The following COL5A3 variants were observed in gnomAD, a reference collection of about 807,000 sequenced individuals.
The protein encoded by COL5A3 is collagen type V alpha 3 chain.
Under a neutral mutation model 250.0 loss-of-function variants are expected in COL5A3, and 172 were observed. That is an observed-to-expected ratio of 0.69 (90% CI 0.61 to 0.78). The LOEUF (loss-of-function observed/expected upper bound fraction) is 0.78. Among genes scored for constraint, COL5A3 ranks in the 30% least tolerant of loss-of-function variants. The pLI is 0.00. For missense variants in COL5A3, 2,340 were observed against 2,334.4 expected, an observed-to-expected ratio of 1.00 and a Z score of -0.05; for synonymous variants, 937 against 900.4, an observed-to-expected ratio of 1.04 and a Z score of -0.73.
At position 9,980,897 on chromosome 19, in the gene COL5A3, G is replaced by A; in HGVS notation, c.2506-38C>T. ...AAAAGGCAAAGATCAGATATGAGGGGGTGGGGGAGCCTGGGAGATGAGACC... is the reference window on the plus strand; with the variant it reads ...AAAAGGCAAAGATCAGATATGAGGGAGTGGGGGAGCCTGGGAGATGAGACC... On this transcript the variant is annotated intron_variant, in intron 33 of 66. Coordinates refer to ENST00000264828, the MANE Select transcript of COL5A3 (RefSeq NM_015719.4). 1.9e-6 allele frequency: 3 copies of A among 1,586,482 alleles called. No homozygotes were observed. The East Asian group carries it at 6.8e-5, about 36-fold the overall frequency.
In COL5A3 at chr19:9,969,694, A is replaced by G. The variant is rs950468396; in HGVS notation, c.3991-12T>C. The G allele has an allele frequency of 1.3e-6, 2 of 1,587,618 alleles. No individual in the cohort carries two copies. The highest frequency in any genetic ancestry group is 1.7e-6 in the Non-Finnish European group (2 of 1,171,784). On this transcript the variant is annotated splice_polypyrimidine_tract_variant and intron_variant, in intron 55 of 66. Transcript: ENST00000264828. ...GGACCTGGCTCCCCCTGAAATGGAC[A>G]CAGGCAAGGGAGGGGCCAGAGTCAG... is the stretch of plus-strand genomic sequence containing the variant.
chr19:9,989,274 G>A, intron 26 of COL5A3, 48 bp downstream of exon 26: 2 of 1,612,622 alleles, frequency 1.2e-6, no homozygotes, highest in South Asian at 1.1e-5. Flanking sequence ...TGCAGGCCCT[G>A]CCTCCCGACC....
In COL5A3 at chr19:9,981,115, T is replaced by C; in HGVS notation, c.2478A>G (p.Pro826=). 1 of 1,614,090 alleles carries C rather than the reference T, an allele frequency of 6.2e-7. No individual in the cohort carries two copies. The change falls in exon 33 of 67, where the codon CCA becomes CCG. Residue 826 remains proline (P), a synonymous_variant. Transcript: ENST00000264828. ...GTGGTCCCCGCTCTCCTTCCAGGCC[T>C]GGCTGCCCTGTCTTTCCCTGAAAAT... ...EKGKSGKTGQ[P]GLEGERGPPG... is the part of the protein sequence containing the mutation.
At chr19:9,965,704 T>C (rs1267649627) in intron 64 of COL5A3, among the ~76,000 whole-genome samples, 4 of 130,570 alleles carry the variant, frequency 3.1e-5, no homozygotes, top group African/African-American at 1.1e-4. Context: ...CTGCCCCCGC[T>C]TGGCCTCCCA....
At chr19:9,999,770 C>T (rs1384170242) in intron 8 of COL5A3, among the ~76,000 whole-genome samples, 1 of 151,968 alleles carries the variant, frequency 6.6e-6, no homozygotes, top group East Asian at 1.9e-4. Context: ...CTGGCCCAAG[C>T]CTCTTTTCTT....
chr19:9,968,805 AAAT>A lies in COL5A3; in HGVS notation c.4153-80_4153-78del. 8.0e-7 allele frequency: 1 copy of A among 1,256,596 alleles called. No homozygotes were observed. Among genetic ancestry groups the A allele is most frequent in the Admixed American group, 2.2e-5 (1 of 45,478 alleles). 77.8% of individuals were successfully genotyped at this position (1,256,596 alleles called of 1,614,324 possible). ...CTGTGTGGGTGGTTAGGGGATGGTC[AAAT>A]GGGAAATTATGCAGATTTCAAATGG... On this transcript the variant is annotated intron_variant, in intron 57 of 66. Transcript: ENST00000264828. This position sits in a 1 kb window ranked among gnomAD's most constrained non-coding sequence, Gnocchi z 4.1.
chr19:9,973,781 C>A lies in COL5A3; in HGVS notation c.3587G>T (p.Gly1196Val). The A allele has an allele frequency of 1.9e-6, 3 of 1,614,038 alleles. No homozygotes were observed. The highest frequency in any genetic ancestry group is 2.5e-6 in the Non-Finnish European group (3 of 1,179,956). ...CTTCTCACCCACGGCGCCTGGCTGACCAACTCCTCCAGGCAGCCCTGGAGT... is the reference window on the plus strand; with the variant it reads ...CTTCTCACCCACGGCGCCTGGCTGAACAACTCCTCCAGGCAGCCCTGGAGT... ...EGTPGLPGGV[G>V]QPGAVGEKGE... Residue 1196 changes from glycine to valine, a missense_variant, in exon 49 of 67, where the codon GGT (glycine) becomes GTT (valine). Physicochemically the swap from Gly to Val is moderately radical, Grantham distance 109. Transcript: ENST00000264828.
In COL5A3 at chr19:9,997,964, G is replaced by A; in HGVS notation, c.1200+20C>T. The A allele has an allele frequency of 1.2e-6, 2 of 1,613,878 alleles. No homozygotes were observed. The highest frequency in any genetic ancestry group is 8.5e-7 in the Non-Finnish European group (1 of 1,179,884). On this transcript the variant is annotated intron_variant, in intron 10 of 66. Coordinates refer to ENST00000264828, the MANE Select transcript of COL5A3 (RefSeq NM_015719.4). Reference sequence around the variant, plus strand: ...GCTGGAAGGGAAAGACTGGAAGAAGGAAACACAGCCATGACTTACTTGGGG... The same window carrying A: ...GCTGGAAGGGAAAGACTGGAAGAAGAAAACACAGCCATGACTTACTTGGGG...
In COL5A3 at chr19:9,966,594, C is replaced by T. The variant is rs1177907933; in HGVS notation, c.4611G>A (p.Ala1537=). Reference sequence around the variant, plus strand: ...CGTGGCACACGAGGCCCGGGCGCTCCGCAGTGCCGGGAGGACGCCGCAGCT... The same window carrying T: ...CGTGGCACACGAGGCCCGGGCGCTCTGCAGTGCCGGGAGGACGCCGCAGCT... ...LEQLRRPPGT[A]ERPGLVCHEL... The change falls in exon 63 of 67, where the codon GCG becomes GCA. Residue 1537 remains alanine, a synonymous_variant. Coordinates refer to ENST00000264828, the MANE Select transcript of COL5A3 (RefSeq NM_015719.4). The T allele has an allele frequency of 1.3e-6, 2 of 1,541,008 alleles. No individual in the cohort carries two copies. The highest frequency in any genetic ancestry group is 3.9e-5 in the Admixed American group (2 of 51,044).
chr19:9,986,580 C>G lies in COL5A3; in HGVS notation c.2217G>C (p.Lys739Asn). The G allele has an allele frequency of 6.2e-7, 1 of 1,614,022 alleles. No homozygotes were observed. Among genetic ancestry groups the G allele is most frequent in the Non-Finnish European group, 8.5e-7 (1 of 1,179,998 alleles). The change falls in exon 29 of 67, where the codon AAG becomes AAC. Residue 739 changes from lysine (K) to asparagine (N), a missense_variant. By Grantham distance (94) the Lys-to-Asn change is moderately conservative. Around this residue, in one of 3 missense-constraint regions of COL5A3, gnomAD observed 1,152 missense variants for 1,146.3 expected, o/e 1.00. Coordinates refer to ENST00000264828, the MANE Select transcript of COL5A3 (RefSeq NM_015719.4). ...GATCACCTTTGAGCCCCACATCGCC[C>G]TTGAAGCCTGGGAAGCCGTCCTCTC... ...EKGEDGFPGF[K>N]GDVGLKGDQG...
chr19:9,991,233 C>T (rs562329305), intron 24 of COL5A3, among the ~76,000 whole-genome samples: 7 of 152,070 alleles, frequency 4.6e-5, no homozygotes, highest in Non-Finnish European at 1.0e-4. Flanking sequence ...CAGAGTGAGA[C>T]CCTGTCCACA....
chr19:9,980,591 A>ATC (rs59038787), intron 35 of COL5A3, 57 bp downstream of exon 35: 4,100 of 1,402,652 alleles, frequency 2.9e-3, no homozygotes, highest in South Asian at 5.8e-3. Context: ...TCCACTCAGA[A>ATC]TCTCTCTCTC....
At chr19:9,990,675 G>C (rs2087175742) in intron 24 of COL5A3, among the ~76,000 whole-genome samples, 1 of 151,936 alleles carries the variant, frequency 6.6e-6, no homozygotes, top group African/African-American at 2.4e-5. Flanking sequence ...CCATTCTCCT[G>C]ACTCAGCCTC....
Position 9,998,039 on chromosome 19 carries a change from T to C in COL5A3, c.1159-14A>G, listed in dbSNP as rs1281547139. On this transcript the variant is annotated splice_polypyrimidine_tract_variant and intron_variant, in intron 9 of 66. Transcript: ENST00000264828. ...AAACTGCTGCCCCTGAAGGGAGAAG[T>C]GAGTGTCGGTGACCGCTGTCATCAT... 1.2e-6 allele frequency: 2 copies of C among 1,613,808 alleles called. No homozygotes were observed. The highest frequency in any genetic ancestry group is 2.7e-5 in the African/African-American group (2 of 74,818).
chr19:9,970,546 G>A, intron 54 of COL5A3, 76 bp downstream of exon 54: 2 of 978,294 alleles, frequency 2.0e-6, no homozygotes, highest in Non-Finnish European at 2.8e-6. Context: ...GTTGAGGGCT[G>A]TGGGATGAGT....
At position 9,960,720 on chromosome 19, in the gene COL5A3, G is replaced by C. The variant is rs534196320; in HGVS notation, c.5022C>G (p.Thr1674=). ...GGTTGAAAGACAGCTCCTCTCCATT[G>C]GTGCCAAGGAAGCGGGCGGAGTGGC... ...DYSHSARFLG[T]NGEELSFNQT... Residue 1674 remains threonine (T), a synonymous_variant, in exon 66 of 67, where the codon ACC becomes ACG. Transcript: ENST00000264828. 1.5e-5 allele frequency: 24 copies of C among 1,614,022 alleles called. 1 individual carries two copies. The South Asian group carries it at 2.6e-4, about 18-fold the overall frequency.
intron 7 of COL5A3, 39 bp from the exon 8 acceptor site, chr19:10,001,709 C>T (rs775650035): frequency 5.6e-6 from 9 of 1,613,024 alleles, no homozygotes; most frequent in Middle Eastern, 1.6e-4. Context: ...TCCCTGACCT[C>T]CTTATTTTCT....
Position 9,968,869 on chromosome 19 carries a change from T to A in COL5A3, c.4153-141A>T. ...GGATGAGGTCAAGGGATGGTCAGAG[T>A]AGGCCACCAAGGTGGGATGATGAGA... On this transcript the variant is annotated intron_variant, in intron 57 of 66. Coordinates refer to ENST00000264828, the MANE Select transcript of COL5A3 (RefSeq NM_015719.4). This position sits in a 1 kb window ranked among gnomAD's most constrained non-coding sequence, Gnocchi z 4.1. 1.3e-6 allele frequency: 1 copy of A among 755,188 alleles called. No individual in the cohort carries two copies. The highest frequency in any genetic ancestry group is 2.2e-6 in the Non-Finnish European group (1 of 453,364). The allele number at this position is 755,188 out of a possible 1,614,324, so 46.8% of individuals were successfully genotyped here.
Position 9,982,137 on chromosome 19 carries a change from A to C in COL5A3, c.2407-19T>G. On this transcript the variant is annotated intron_variant, in intron 31 of 66. Transcript: ENST00000264828. ...TAGATCCCTGAGTGGAGAGAATTAG[A>C]AAGAAGACATGAGGGTGAGGAGTGA... The C allele has an allele frequency of 6.4e-7, 1 of 1,574,316 alleles. No homozygotes were observed.
Sources: gnomAD v4.1 joint callset for allele counts (sites outside exome capture counted in the v4.1 genomes callset) on GRCh38, gnomAD v4.1.1 for gene constraint, gnomAD v4.1.1 regional missense constraint, Gnocchi (gnomAD v3.1) non-coding constraint, MANE v1.5 for transcripts, NCBI Gene and HGNC (gene_info 2026-07-23, HGNC 2026-07-21) for gene names.